The following PEF1 variants were observed in gnomAD, a reference collection of about 807,000 sequenced individuals.
PEF1 encodes the protein penta-EF-hand domain containing 1.
A neutral mutation model predicts 32.0 loss-of-function variants in PEF1; 17 were observed. That is an observed-to-expected ratio of 0.53 (90% confidence interval 0.36 to 0.80). PEF1 has a LOEUF of 0.80. Among genes scored for constraint, PEF1 ranks in the 30% least tolerant of loss-of-function variants. The pLI, the probability that PEF1 is intolerant of heterozygous loss-of-function variation, is 0.00. For missense variants in PEF1, 362 were observed against 369.1 expected, an observed-to-expected ratio of 0.98 and a Z score of 0.16; for synonymous variants, 130 against 139.8, an observed-to-expected ratio of 0.93 and a Z score of 0.50.
Position 31,630,526 on chromosome 1 carries a change from GGAAAA to G in PEF1, c.*82_*86del, listed in dbSNP as rs377043185. The G allele has an allele frequency of 1.5e-4, 194 of 1,291,110 alleles. No homozygotes were observed. The African/African-American group carries it at 2.6e-3, about 18-fold the overall frequency. 80.0% of individuals were successfully genotyped at this position (1,291,110 alleles called of 1,614,324 possible). A position where few individuals can be genotyped will look rare whatever the true frequency, so the allele number is the denominator to read the frequency against. On this transcript the variant is annotated 3_prime_UTR_variant, in exon 5 of 5. Transcript: ENST00000373703. ...GGGAGAATGTTCTTCTAGAGGGACAGGAAAAGAAGAGATGTCCACATACTTCTCTC... is the reference window on the plus strand; with the variant it reads ...GGGAGAATGTTCTTCTAGAGGGACAGGAAGAGATGTCCACATACTTCTCTC...
intron 1 of PEF1, chr1:31,644,448 G>A: frequency 8.8e-7 from 1 of 1,134,662 alleles, no homozygotes; most frequent in Non-Finnish European, 1.1e-6. Context: ...CCGGAAGCCT[G>A]GATTTTTATC....
At chr1:31,642,462 T>C (rs1226420635) in intron 1 of PEF1, among the ~76,000 whole-genome samples, 1 of 152,104 alleles carries the variant, frequency 6.6e-6, no homozygotes, top group African/African-American at 2.4e-5. Context: ...TTGGGTACCC[T>C]GGACTGGAAG....
At chr1:31,638,788 G>T (rs1170813533) in intron 1 of PEF1, among the ~76,000 whole-genome samples, 3 of 152,192 alleles carry the variant, frequency 2.0e-5, no homozygotes, top group Non-Finnish European at 4.4e-5. Flanking sequence ...GATGTTAGTT[G>T]CCCTCTTTTA....
At chr1:31,638,603 G>C (rs183761017) in intron 1 of PEF1, among the ~76,000 whole-genome samples, 1 of 152,350 alleles carries the variant, frequency 6.6e-6, no homozygotes, top group Non-Finnish European at 1.5e-5. Context: ...GGCCAACAAA[G>C]CAGGTGCTGC....
chr1:31,630,948 G>T, intron 4 of PEF1, 106 bp from the exon 5 acceptor site: 1 of 932,096 alleles, frequency 1.1e-6, no homozygotes, highest in Non-Finnish European at 1.7e-6. Flanking sequence ...CGAGAGGATG[G>T]GCACAGAAGC....
chr1:31,632,601 G>A lies in PEF1; in HGVS notation c.519C>T (p.Val173=). Residue 173 remains valine (V), a synonymous_variant, in exon 4 of 5, where the codon GTC becomes GTT. Transcript: ENST00000373703. ...ATTTCCACAGGGCTGAGAAGCCGTA[G>A]ACATCGATGCGGCCTGACTTGGTCT... ...FDKTKSGRID[V]YGFSALWKFI... is the part of the protein sequence containing the mutation. 2 of 1,614,190 alleles carry A rather than the reference G, an allele frequency of 1.2e-6. No homozygotes were observed. Among genetic ancestry groups the A allele is most frequent in the Non-Finnish European group, 1.7e-6 (2 of 1,180,024 alleles).
Position 31,635,311 on chromosome 1 carries a change from C to T in PEF1, c.236G>A (p.Gly79Glu), listed in dbSNP as rs141771149. The change falls in exon 2 of 5, where the codon GGA becomes GAA. Residue 79 changes from glycine to glutamate, a missense_variant. Physicochemically the swap from Gly to Glu is moderately conservative, Grantham distance 98. Transcript: ENST00000373703. ...PGMFPSGTPG[G>E]PYGGAAPGGP... ...CCCGGGAGCTGCACCGCCATATGGT[C>T]CTCCTGGAGTTCCAGAGGGGAACAT... 7.4e-5 allele frequency: 119 copies of T among 1,614,112 alleles called. No homozygotes were observed. In the African/African-American group the frequency reaches 1.5e-3, roughly 20 times the overall value.
At chr1:31,640,600 T>C (rs1640368984) in intron 1 of PEF1, among the ~76,000 whole-genome samples, 1 of 152,112 alleles carries the variant, frequency 6.6e-6, no homozygotes, top group African/African-American at 2.4e-5. Context: ...TAGAGTCACT[T>C]TGAGAGCCAA....
At chr1:31,632,462 T>C (rs1171314592) in intron 4 of PEF1, 33 bp downstream of exon 4, 1 of 1,614,248 alleles carries the variant, frequency 6.2e-7, no homozygotes, top group Non-Finnish European at 8.5e-7. Flanking sequence ...TCTAGCTCTG[T>C]CCTGCCCATC....
chr1:31,637,345 A>G (rs1211724999), intron 1 of PEF1, among the ~76,000 whole-genome samples: 1 of 152,192 alleles, frequency 6.6e-6, no homozygotes, highest in African/African-American at 2.4e-5. Context: ...CTTCCTCACA[A>G]ATAGAACAAT....
chr1:31,632,457 C>G (rs143731704), intron 4 of PEF1, 38 bp downstream of exon 4: 1 of 1,614,214 alleles, frequency 6.2e-7, no homozygotes, highest in Non-Finnish European at 8.5e-7. Flanking sequence ...AAGAGTCTAG[C>G]TCTGTCCTGC....
intron 1 of PEF1, chr1:31,644,489 A>C: frequency 8.0e-7 from 1 of 1,246,276 alleles, no homozygotes; most frequent in Non-Finnish European, 1.0e-6. Context: ...GCGGAACCAG[A>C]ACTCTAAACC....
intron 4 of PEF1, 104 bp from the exon 5 acceptor site, chr1:31,630,946 T>C: frequency 1.0e-6 from 1 of 963,650 alleles, no homozygotes; most frequent in South Asian, 1.4e-5. Context: ...TTCGAGAGGA[T>C]GGGCACAGAA....
chr1:31,643,351 T>C (rs914177294), intron 1 of PEF1, among the ~76,000 whole-genome samples: 51 of 152,360 alleles, frequency 3.3e-4, no homozygotes, highest in African/African-American at 1.2e-3. Context: ...AAAACTTTAG[T>C]TAACTACAGA....
intron 1 of PEF1, chr1:31,644,632 C>T: frequency 6.9e-7 from 1 of 1,441,724 alleles, no homozygotes; most frequent in Non-Finnish European, 9.1e-7. Flanking sequence ...GTCAAGGGGG[C>T]GCGACACGAC....
chr1:31,644,383 T>C (rs1640491203), intron 1 of PEF1: 2 of 1,013,350 alleles, frequency 2.0e-6, no homozygotes, highest in South Asian at 8.0e-5. Context: ...AGCTCACTTG[T>C]GGCGCCTGCT....
Position 31,644,854 on chromosome 1 carries a change from T to G in PEF1, c.11A>C (p.Tyr4Ser), listed in dbSNP as rs767723197. 5 of 1,613,966 alleles carry G rather than the reference T, an allele frequency of 3.1e-6. No individual in the cohort carries two copies. Among genetic ancestry groups the G allele is most frequent in the African/African-American group, 2.7e-5 (2 of 75,042 alleles). Residue 4 changes from tyrosine (Y) to serine (S), a missense_variant, in exon 1 of 5, where the codon TAT (tyrosine) becomes TCT (serine). Physicochemically the swap from Tyr to Ser is moderately radical, Grantham distance 144. Coordinates refer to ENST00000373703, the MANE Select transcript of PEF1 (RefSeq NM_012392.4). ...TCACACACTCACCTGCCGGTAAGGA[T>G]AGCTGGCCATGGTGATTCTGACGTC... MAS[Y>S]PYRQGCPGAA...
In PEF1 at chr1:31,630,560, C is replaced by A; in HGVS notation, c.*53G>T. Reference sequence around the variant, plus strand: ...GAGATGTCCACATACTTCTCTCACTCTAAGAAGCCAGGAAAGGTCCCTGGT... The same window carrying A: ...GAGATGTCCACATACTTCTCTCACTATAAGAAGCCAGGAAAGGTCCCTGGT... On this transcript the variant is annotated 3_prime_UTR_variant, in exon 5 of 5. Coordinates refer to ENST00000373703, the MANE Select transcript of PEF1 (RefSeq NM_012392.4). 1 of 1,534,016 alleles carries A rather than the reference C, an allele frequency of 6.5e-7. No individual in the cohort carries two copies. Among genetic ancestry groups the A allele is most frequent in the East Asian group, 2.3e-5 (1 of 44,240 alleles).
chr1:31,630,232 G>T lies in PEF1; in HGVS notation c.*381C>A. ...TCGTTTGACAGGATGGCCTGGTGAGGGAACACAGGTACTAACGGTAACAGG... is the reference window on the plus strand; with the variant it reads ...TCGTTTGACAGGATGGCCTGGTGAGTGAACACAGGTACTAACGGTAACAGG... On this transcript the variant is annotated 3_prime_UTR_variant, in exon 5 of 5. Transcript: ENST00000373703. 1 of 265,826 alleles carries T rather than the reference G, an allele frequency of 3.8e-6. No homozygotes were observed. The highest frequency in any genetic ancestry group is 7.5e-6 in the Non-Finnish European group (1 of 133,818). The allele number at this position is 265,826 out of a possible 1,614,324, so 16.5% of individuals were successfully genotyped here.
Sources: allele counts gnomAD v4.1 joint callset (sites outside exome capture counted in the v4.1 genomes callset), GRCh38; gene constraint gnomAD v4.1.1; transcripts MANE v1.5; gene names NCBI Gene and HGNC (gene_info 2026-07-23, HGNC 2026-07-21).